Variants in ARMH4 observed in about 807,000 individuals in gnomAD.
ARMH4 encodes armadillo like helical domain containing 4, also known as armadillo-like helical domain-containing protein 4.
ARMH4 carries 49 observed loss-of-function variants against 61.9 expected under a neutral mutation model. The ratio of observed to expected loss-of-function variants is 0.79; its 90% CI spans 0.63 to 1.00. The LOEUF is 1.00. Ranked by LOEUF, ARMH4 falls within the 50% of genes least tolerant of loss-of-function variation. The pLI, the probability that ARMH4 is intolerant of heterozygous loss-of-function variation, is 0.00. For synonymous variants in ARMH4, 368 were observed against 341.5 expected (o/e 1.08, Z -0.85); for missense variants, 934 against 930.0 (o/e 1.00, Z -0.06).
intron 4 of ARMH4, among the ~76,000 whole-genome samples, chr14:58,110,311 C>T (rs1259931715): frequency 2.0e-5 from 3 of 152,068 alleles, no homozygotes; most frequent in African/African-American, 7.3e-5. Flanking sequence ...ATATGCATTA[C>T]CTCACAAAGT....
At chr14:58,148,805 G>A (rs1218604610) in intron 1 of ARMH4, among the ~76,000 whole-genome samples, 1 of 151,364 alleles carries the variant, frequency 6.6e-6, no homozygotes, top group Non-Finnish European at 1.5e-5. Context: ...AATAACTTAT[G>A]TGTTCTCATT....
intron 5 of ARMH4, among the ~76,000 whole-genome samples, chr14:58,076,420 A>G (rs1464159997): frequency 6.6e-6 from 1 of 152,220 alleles, no homozygotes; most frequent in Non-Finnish European, 1.5e-5. Context: ...GTGACTGGAA[A>G]GGACTAAGTG....
intron 4 of ARMH4, chr14:58,116,562 G>A (rs1390428357): frequency 5.7e-6 from 1 of 174,716 alleles, no homozygotes; most frequent in African/African-American, 2.4e-5. Flanking sequence ...TCTAGTCCCA[G>A]ATACTCAGGA....
intron 4 of ARMH4, among the ~76,000 whole-genome samples, chr14:58,102,174 A>C (rs1005812926): frequency 6.6e-6 from 1 of 152,146 alleles, no homozygotes; most frequent in Admixed American, 6.5e-5. Flanking sequence ...GCAGGGATAC[A>C]TGGTTTGGGG....
intron 1 of ARMH4, among the ~76,000 whole-genome samples, chr14:58,144,250 T>A (rs1416545773): frequency 2.0e-5 from 3 of 152,158 alleles, no homozygotes; most frequent in East Asian, 3.9e-4. Flanking sequence ...ATGCCTCTAT[T>A]TGCCTTCCTT....
intron 5 of ARMH4, among the ~76,000 whole-genome samples, chr14:58,024,989 T>C (rs540422458): frequency 1.3e-5 from 2 of 152,100 alleles, no homozygotes; most frequent in African/African-American, 4.8e-5. Flanking sequence ...ATAATAATAA[T>C]GAAAAAGCCT....
In ARMH4 at chr14:58,001,767, C is replaced by T. The variant is rs1045850722; in HGVS notation, c.*2969G>A. 6 of 152,110 alleles carry T rather than the reference C, an allele frequency of 3.9e-5. No homozygotes were observed. The highest frequency in any genetic ancestry group is 2.1e-4 in the South Asian group (1 of 4,810). The allele number at this position is 152,110 out of a possible 1,614,324, so 9.4% of individuals were successfully genotyped here. ...CTAACTCATCAGGTCTGGGGCAAGGCCTTGAGATCTGTATGTTTCACAAGT... is the reference window on the plus strand; with the variant it reads ...CTAACTCATCAGGTCTGGGGCAAGGTCTTGAGATCTGTATGTTTCACAAGT... On this transcript the variant is annotated 3_prime_UTR_variant, in exon 8 of 8. Coordinates refer to ENST00000267485, the MANE Select transcript of ARMH4 (RefSeq NM_001001872.4).
chr14:58,100,060 G>T (rs1885906430), intron 4 of ARMH4, among the ~76,000 whole-genome samples: 1 of 152,176 alleles, frequency 6.6e-6, no homozygotes, highest in African/African-American at 2.4e-5. Flanking sequence ...TGCACAGGCT[G>T]GTTTGGATAC....
intron 5 of ARMH4, among the ~76,000 whole-genome samples, chr14:58,030,029 A>G (rs1455858021): frequency 6.6e-6 from 1 of 152,208 alleles, no homozygotes; most frequent in Non-Finnish European, 1.5e-5. Context: ...CTAAAAAGAA[A>G]TAAAGTTCTG....
intron 5 of ARMH4, among the ~76,000 whole-genome samples, chr14:58,056,645 G>C (rs1174317090): frequency 6.6e-6 from 1 of 152,178 alleles, no homozygotes; most frequent in Non-Finnish European, 1.5e-5. Flanking sequence ...ATGTGGCCAA[G>C]GTCATAATGC....
At chr14:58,079,506 T>C (rs1280087568) in intron 5 of ARMH4, among the ~76,000 whole-genome samples, 1 of 152,176 alleles carries the variant, frequency 6.6e-6, no homozygotes, top group Non-Finnish European at 1.5e-5. Context: ...TCTTCAAGGC[T>C]CCACCTCTCA....
intron 5 of ARMH4, among the ~76,000 whole-genome samples, chr14:58,018,655 T>C (rs552875543): frequency 6.6e-6 from 1 of 152,218 alleles, no homozygotes; most frequent in African/African-American, 2.4e-5. Flanking sequence ...GAAAAGGAAA[T>C]CCCTGTACAC....
intron 5 of ARMH4, among the ~76,000 whole-genome samples, chr14:58,074,287 C>A (rs1884975525): frequency 6.6e-6 from 1 of 152,148 alleles, no homozygotes. Flanking sequence ...TGCAATTCAT[C>A]TACCATTTGA....
Position 58,138,953 on chromosome 14 carries a change from G to A in ARMH4, c.406C>T (p.Pro136Ser), listed in dbSNP as rs1420793410. The change falls in exon 2 of 8, where the codon CCT (proline) becomes TCT (serine). Residue 136 changes from proline (P) to serine (S), a missense_variant. Pro to Ser is a moderately conservative substitution (Grantham distance 74). Transcript: ENST00000267485. ...ATGGCCTTGGCAAGTCCACTTTCAG[G>A]AGATATTCTCTCTGGCTGGCTGGAA... is the stretch of plus-strand genomic sequence containing the variant. ...FGSSQPERIS[P>S]ESGLAKAMLT... is the part of the protein sequence containing the mutation. 1.2e-6 allele frequency: 2 copies of A among 1,614,090 alleles called. No homozygotes were observed. The highest frequency in any genetic ancestry group is 1.1e-5 in the South Asian group (1 of 91,080).
intron 4 of ARMH4, among the ~76,000 whole-genome samples, chr14:58,117,680 T>C (rs1473917041): frequency 6.6e-6 from 1 of 152,166 alleles, no homozygotes; most frequent in East Asian, 1.9e-4. Flanking sequence ...ATCTTCCTCT[T>C]CAAAATAAAT....
chr14:58,126,127 T>C (rs375673781), intron 4 of ARMH4, among the ~76,000 whole-genome samples: 46 of 152,318 alleles, frequency 3.0e-4, no homozygotes, highest in Non-Finnish European at 3.2e-4. Flanking sequence ...CTTCCCTCTA[T>C]TAAATCTTGC....
At chr14:58,043,911 C>T (rs1476092547) in intron 5 of ARMH4, among the ~76,000 whole-genome samples, 1 of 152,090 alleles carries the variant, frequency 6.6e-6, no homozygotes, top group Non-Finnish European at 1.5e-5. Flanking sequence ...ATGTGAAGGA[C>T]CTCTTCAAGG....
intron 1 of ARMH4, among the ~76,000 whole-genome samples, 186 bp downstream of exon 1, chr14:58,151,889 C>T (rs1594788786): frequency 6.6e-6 from 1 of 152,198 alleles, no homozygotes; most frequent in Non-Finnish European, 1.5e-5. Flanking sequence ...GCGCACCCCA[C>T]ACCTGGGCAC....
At chr14:58,046,738 G>C (rs573691072) in intron 5 of ARMH4, among the ~76,000 whole-genome samples, 1 of 152,306 alleles carries the variant, frequency 6.6e-6, no homozygotes, top group African/African-American at 2.4e-5. Flanking sequence ...GGGAAGCACA[G>C]AGTGGTCTCA....
Sources: allele counts gnomAD v4.1 joint callset (sites outside exome capture counted in the v4.1 genomes callset), GRCh38; gene constraint gnomAD v4.1.1; transcripts MANE v1.5; gene names NCBI Gene and HGNC (gene_info 2026-07-23, HGNC 2026-07-21).